Variants in RIMS1 observed in about 807,000 individuals in gnomAD.
The protein encoded by RIMS1 is regulating synaptic membrane exocytosis protein 1.
Under a neutral mutation model 214.1 loss-of-function variants are expected in RIMS1, and 83 were observed. The ratio of observed to expected loss-of-function variants is 0.39; its 90% CI spans 0.32 to 0.47. RIMS1 has a LOEUF of 0.47. Among genes scored for constraint, RIMS1 ranks in the 20% least tolerant of loss-of-function variants. The probability of loss-of-function intolerance (pLI) is 0.99; values close to 1 mark genes in which losing one functional copy is unlikely to be tolerated. For missense variants in RIMS1, 2,050 were observed against 2,161.8 expected (o/e 0.95, Z 1.03); for synonymous variants, 793 against 786.8 (o/e 1.01, Z -0.13).
intron 4 of RIMS1, among the ~76,000 whole-genome samples, chr6:72,101,538 A>C (rs2033586206): frequency 6.6e-6 from 1 of 151,922 alleles, no homozygotes; most frequent in African/African-American, 2.4e-5. Flanking sequence ...CTATTCCTCT[A>C]ATCTCTTTTA....
chr6:72,086,110 A>G (rs1275860078), intron 2 of RIMS1, among the ~76,000 whole-genome samples: 1 of 152,188 alleles, frequency 6.6e-6, no homozygotes, highest in Non-Finnish European at 1.5e-5. Flanking sequence ...AGCGAATGCC[A>G]TAGTGATGAA....
intron 4 of RIMS1, among the ~76,000 whole-genome samples, chr6:72,170,853 C>T (rs371171668): frequency 4.7e-4 from 71 of 152,134 alleles, no homozygotes; most frequent in Middle Eastern, 3.4e-3. Flanking sequence ...AGTTTGAAGA[C>T]ACATCAGCAA....
intron 8 of RIMS1, 55 bp from the exon 9 acceptor site, chr6:72,237,768 A>G: frequency 8.0e-7 from 1 of 1,248,224 alleles, no homozygotes; most frequent in Non-Finnish European, 1.2e-6. Context: ...CCTCAAACTA[A>G]TAAGCTTATG....
At chr6:71,906,472 A>G (rs1262287988) in intron 1 of RIMS1, among the ~76,000 whole-genome samples, 1 of 152,224 alleles carries the variant, frequency 6.6e-6, no homozygotes, top group African/African-American at 2.4e-5. Flanking sequence ...AACAGAAAAA[A>G]TAATTTAAAT....
chr6:71,985,963 A>G (rs1424517092), intron 2 of RIMS1, among the ~76,000 whole-genome samples: 1 of 152,186 alleles, frequency 6.6e-6, no homozygotes, highest in Non-Finnish European at 1.5e-5. Context: ...TACTTTGAAT[A>G]TCTTTACTTT....
At chr6:72,380,195 A>G (rs1419522562) in intron 29 of RIMS1, among the ~76,000 whole-genome samples, 1 of 152,146 alleles carries the variant, frequency 6.6e-6, no homozygotes, top group Non-Finnish European at 1.5e-5. Context: ...GGAATTGAAC[A>G]ATGGGAACAC....
At chr6:72,337,222 G>T (rs569006217) in intron 29 of RIMS1, among the ~76,000 whole-genome samples, 1 of 151,854 alleles carries the variant, frequency 6.6e-6, no homozygotes, top group East Asian at 2.0e-4. Flanking sequence ...AATCTCTGTT[G>T]ATTTTAGTGG....
chr6:72,288,028 T>C (rs1267840443), intron 24 of RIMS1, among the ~76,000 whole-genome samples: 3 of 152,222 alleles, frequency 2.0e-5, no homozygotes, highest in Non-Finnish European at 2.9e-5. Flanking sequence ...CTTGGACATA[T>C]GGTTTGTGTT....
intron 2 of RIMS1, among the ~76,000 whole-genome samples, chr6:72,063,344 C>A (rs1275279845): frequency 1.3e-5 from 2 of 152,118 alleles, no homozygotes; most frequent in South Asian, 2.1e-4. Flanking sequence ...GCATGTGACT[C>A]CCCAGTGAAG....
intron 1 of RIMS1, among the ~76,000 whole-genome samples, chr6:71,945,208 G>C (rs910687978): frequency 6.6e-6 from 1 of 152,158 alleles, no homozygotes. Flanking sequence ...GCAGAGGACT[G>C]TGCCTCCCCA....
chr6:71,991,254 C>A (rs1801479531), intron 2 of RIMS1, among the ~76,000 whole-genome samples: 1 of 151,538 alleles, frequency 6.6e-6, no homozygotes, highest in Non-Finnish European at 1.5e-5. Context: ...AATCACTTGT[C>A]TTTTTAATTA....
At chr6:71,923,921 C>T (rs1263500575) in intron 1 of RIMS1, among the ~76,000 whole-genome samples, 2 of 152,114 alleles carry the variant, frequency 1.3e-5, no homozygotes, top group Non-Finnish European at 2.9e-5. Context: ...TATTTTGATG[C>T]TTTTTCTGCT....
At chr6:72,213,100 G>A in intron 6 of RIMS1, 3 of 1,536,674 alleles carry the variant, frequency 2.0e-6, no homozygotes, top group South Asian at 1.2e-5. Flanking sequence ...TCTCAAGCTG[G>A]ATTTATTTCC....
chr6:72,273,643 C>A (rs2084619253), intron 22 of RIMS1, among the ~76,000 whole-genome samples: 2 of 152,080 alleles, frequency 1.3e-5, no homozygotes, highest in Non-Finnish European at 2.9e-5. Flanking sequence ...CAAATAAAAA[C>A]CAGTGAAACT....
At chr6:72,154,886 T>G (rs1280035300) in intron 4 of RIMS1, among the ~76,000 whole-genome samples, 1 of 140,234 alleles carries the variant, frequency 7.1e-6, no homozygotes, top group Non-Finnish European at 1.6e-5. Context: ...TCTTTCTTGC[T>G]TCACCCAGAT....
At chr6:72,217,718 A>G (rs1412639429) in intron 6 of RIMS1, among the ~76,000 whole-genome samples, 1 of 152,158 alleles carries the variant, frequency 6.6e-6, no homozygotes, top group Non-Finnish European at 1.5e-5. Context: ...CTCCTAATTG[A>G]CAGTCCTGAT....
At chr6:72,110,529 T>C (rs1353947330) in intron 4 of RIMS1, among the ~76,000 whole-genome samples, 24 of 149,448 alleles carry the variant, frequency 1.6e-4, no homozygotes, top group African/African-American at 5.9e-4. Flanking sequence ...ATAAGAATGC[T>C]TGTGATTTTT....
chr6:72,221,697 A>G (rs1010989359), intron 6 of RIMS1, among the ~76,000 whole-genome samples: 4 of 152,000 alleles, frequency 2.6e-5, no homozygotes, highest in Non-Finnish European at 5.9e-5. Context: ...ATCAGACTTT[A>G]GTTTTATTTA....
chr6:72,347,438 C>A (rs115659507), intron 29 of RIMS1, among the ~76,000 whole-genome samples: 1 of 151,782 alleles, frequency 6.6e-6, no homozygotes, highest in South Asian at 2.1e-4. Flanking sequence ...TCTGTCTATT[C>A]GATTTCCCCA....
Sources: gnomAD v4.1 joint callset for allele counts (sites outside exome capture counted in the v4.1 genomes callset) on GRCh38, gnomAD v4.1.1 for gene constraint, MANE v1.5 for transcripts, NCBI Gene and HGNC (gene_info 2026-07-23, HGNC 2026-07-21) for gene names.